The following TIAM1 variants were observed in gnomAD, a reference collection of about 807,000 sequenced individuals.
The protein encoded by TIAM1 is TIAM Rac1 associated GEF 1.
In TIAM1, 65 loss-of-function variants were observed where a neutral mutation model predicts 163.5. The ratio of observed to expected loss-of-function variants is 0.40; its 90% confidence interval spans 0.33 to 0.49. The LOEUF (loss-of-function observed/expected upper bound fraction) is 0.49. TIAM1 is among the 20% of genes least tolerant of loss of function. TIAM1 has a pLI of 0.77. For synonymous variants in TIAM1, 833 were observed against 810.1 expected (o/e 1.03, Z -0.48); for missense variants, 1,789 against 2,044.7 (o/e 0.87, Z 2.41).
chr21:31,265,277 T>TC (rs551725233), intron 4 of TIAM1, among the ~76,000 whole-genome samples: 1 of 143,296 alleles, frequency 7.0e-6, no homozygotes, highest in East Asian at 2.3e-4. Context: ...CTTAGTTTCC[T>TC]CCCCACGGTT....
chr21:31,224,559 G>A (rs1472823746), intron 7 of TIAM1, among the ~76,000 whole-genome samples: 1 of 152,214 alleles, frequency 6.6e-6, no homozygotes, highest in Non-Finnish European at 1.5e-5. Flanking sequence ...AGTGCCGGGG[G>A]CAGAGAGGAG....
At chr21:31,377,837 GAA>G (rs375197332) in intron 2 of TIAM1, among the ~76,000 whole-genome samples, 4 of 131,942 alleles carry the variant, frequency 3.0e-5, no homozygotes, top group Non-Finnish European at 4.9e-5. Flanking sequence ...TGAGGAATAA[GAA>G]AAAAAAAAAA....
At chr21:31,500,078 T>C (rs2046801799) in intron 1 of TIAM1, among the ~76,000 whole-genome samples, 1 of 151,752 alleles carries the variant, frequency 6.6e-6, no homozygotes. Flanking sequence ...GGCAGGAGAA[T>C]CACTTGAACC....
intron 2 of TIAM1, among the ~76,000 whole-genome samples, chr21:31,417,744 G>C (rs2043423014): frequency 6.6e-6 from 1 of 152,178 alleles, no homozygotes; most frequent in African/African-American, 2.4e-5. Flanking sequence ...TGCAGTCAGG[G>C]ACATGGAGGT....
intron 13 of TIAM1, among the ~76,000 whole-genome samples, chr21:31,189,868 G>T (rs1189923225): frequency 6.6e-6 from 1 of 152,260 alleles, no homozygotes; most frequent in South Asian, 2.1e-4. Context: ...AGAACATAAT[G>T]ATTTTAACAG....
chr21:31,475,279 C>A (rs2045902872), intron 1 of TIAM1, among the ~76,000 whole-genome samples: 1 of 151,940 alleles, frequency 6.6e-6, no homozygotes, highest in African/African-American at 2.4e-5. Context: ...GTCTCAAACT[C>A]CTGGGCTCAA....
chr21:31,371,975 TA>T (rs2076603950), intron 2 of TIAM1, among the ~76,000 whole-genome samples: 1 of 152,148 alleles, frequency 6.6e-6, no homozygotes, highest in Non-Finnish European at 1.5e-5. Context: ...CAGTTAACAA[TA>T]GACTATTCTT....
chr21:31,397,807 C>G (rs1425966245), intron 2 of TIAM1, among the ~76,000 whole-genome samples: 1 of 152,108 alleles, frequency 6.6e-6, no homozygotes, highest in Non-Finnish European at 1.5e-5. Flanking sequence ...TCTGCCAGGG[C>G]AAAACGAAAG....
In TIAM1 at chr21:31,241,299, T is replaced by G. The variant is rs1241266476; in HGVS notation, c.1584+4189A>C. On this transcript the variant is annotated intron_variant, in intron 6 of 27. Coordinates refer to ENST00000541036, the MANE Select transcript of TIAM1 (RefSeq NM_001353694.2). ...AGATAGTCCCAAGAAGTTCCTAAGC[T>G]CACCCTATGACTGACCCTACAGCTC... is the stretch of plus-strand genomic sequence containing the variant. 2.6e-5 allele frequency among the ~76,000 whole-genome samples: 4 copies of G among 152,288 alleles called. No homozygotes were observed. In the East Asian group the frequency reaches 7.7e-4, roughly 29 times the overall value.
intron 2 of TIAM1, among the ~76,000 whole-genome samples, chr21:31,396,341 C>T (rs531305557): frequency 3.2e-4 from 49 of 152,198 alleles, no homozygotes; most frequent in African/African-American, 1.2e-3. Context: ...GGTCCCTCTG[C>T]CTGGAATGCT....
chr21:31,152,533 C>T (rs1238724573), intron 19 of TIAM1, 103 bp downstream of exon 19: 46 of 1,484,628 alleles, frequency 3.1e-5, no homozygotes, highest in Admixed American at 2.0e-4. Context: ...CCCTTAGGAA[C>T]AGACCCCACT....
chr21:31,178,275 C>G (rs1219381812), intron 15 of TIAM1, among the ~76,000 whole-genome samples: 1 of 147,546 alleles, frequency 6.8e-6, no homozygotes, highest in Non-Finnish European at 1.5e-5. Flanking sequence ...TCCAATTGGG[C>G]TGCTACTTGA....
chr21:31,434,751 G>T (rs975178981), intron 2 of TIAM1, among the ~76,000 whole-genome samples: 1 of 152,094 alleles, frequency 6.6e-6, no homozygotes, highest in African/African-American at 2.4e-5. Flanking sequence ...CAGGCTCTAG[G>T]TGAGACACAC....
chr21:31,476,284 G>A (rs967144929), intron 1 of TIAM1, among the ~76,000 whole-genome samples: 1 of 152,184 alleles, frequency 6.6e-6, no homozygotes, highest in African/African-American at 2.4e-5. Context: ...TAGCTTTACT[G>A]CCATTTTCAC....
chr21:31,146,400 T>G (rs2083108065), intron 20 of TIAM1, among the ~76,000 whole-genome samples: 2 of 73,648 alleles, frequency 2.7e-5, no homozygotes, highest in Admixed American at 3.4e-4. Flanking sequence ...CAAGGCTCTG[T>G]GTCAAAAAAA....
chr21:31,181,999 G>C (rs2085053809), intron 15 of TIAM1, among the ~76,000 whole-genome samples: 1 of 150,176 alleles, frequency 6.7e-6, no homozygotes, highest in African/African-American at 2.5e-5. Flanking sequence ...GCCCAGGCTG[G>C]TCTCAAACTC....
chr21:31,549,499 C>T (rs1601068483), intron 1 of TIAM1, among the ~76,000 whole-genome samples: 6 of 152,194 alleles, frequency 3.9e-5, no homozygotes, highest in South Asian at 2.1e-4. Context: ...ATGAGCAACA[C>T]GTCTGAAGAT....
At chr21:31,219,066 C>G (rs1293896087) in intron 8 of TIAM1, among the ~76,000 whole-genome samples, 1 of 120,744 alleles carries the variant, frequency 8.3e-6, no homozygotes, top group South Asian at 2.9e-4. Context: ...GAGTCTCGCT[C>G]TGTCACCCAG....
chr21:31,170,773 C>A (rs1176824511), intron 15 of TIAM1, among the ~76,000 whole-genome samples: 1 of 151,964 alleles, frequency 6.6e-6, no homozygotes, highest in African/African-American at 2.4e-5. Flanking sequence ...TATAGTGGCT[C>A]ACACCTGTAA....
Sources: allele counts gnomAD v4.1 joint callset (sites outside exome capture counted in the v4.1 genomes callset), GRCh38; gene constraint gnomAD v4.1.1; transcripts MANE v1.5; gene names NCBI Gene and HGNC (gene_info 2026-07-23, HGNC 2026-07-21).